Variants in URM1 observed in about 807,000 individuals in gnomAD.
URM1 encodes the protein ubiquitin related modifier 1, also known as ubiquitin-related modifier 1.
A neutral mutation model predicts 17.7 loss-of-function variants in URM1; 11 were observed. The observed-to-expected ratio is 0.62, with a 90% CI of 0.39 to 1.03. The LOEUF (loss-of-function observed/expected upper bound fraction) is 1.03, where lower values mean the gene tolerates loss of function less well. Ranked by LOEUF, URM1 falls within the 50% of genes least tolerant of loss-of-function variation. URM1 has a pLI of 0.00. For synonymous variants in URM1, 48 were observed against 50.6 expected (o/e 0.95, Z 0.22); for missense variants, 128 against 129.2 (o/e 0.99, Z 0.04).
intron 2 of URM1, among the ~76,000 whole-genome samples, chr9:128,381,570 C>T (rs1833160147): frequency 6.6e-6 from 1 of 152,162 alleles, no homozygotes. Flanking sequence ...GTGGTGGGCA[C>T]CTGTAATCCC....
intron 1 of URM1, among the ~76,000 whole-genome samples, chr9:128,376,557 G>C (rs1334185556): frequency 1.3e-5 from 2 of 151,960 alleles, no homozygotes; most frequent in Non-Finnish European, 2.9e-5. Context: ...AGCTACTCTG[G>C]AAGCTGAGGC....
intron 1 of URM1, among the ~76,000 whole-genome samples, chr9:128,373,549 C>T (rs963481942): frequency 6.6e-6 from 1 of 152,174 alleles, no homozygotes; most frequent in African/African-American, 2.4e-5. Flanking sequence ...CACCTTCCTT[C>T]TTGTCAGTGA....
chr9:128,384,528 A>G (rs913042570), intron 2 of URM1, among the ~76,000 whole-genome samples: 2 of 152,170 alleles, frequency 1.3e-5, no homozygotes, highest in Admixed American at 6.5e-5. Flanking sequence ...ACGGGATGCC[A>G]CAGAAAACCC....
At chr9:128,379,626 C>T (rs763409770) in intron 2 of URM1, among the ~76,000 whole-genome samples, 4 of 152,028 alleles carry the variant, frequency 2.6e-5, no homozygotes, top group Non-Finnish European at 5.9e-5. Context: ...GGTGAAACCC[C>T]GTCTCTACTA....
chr9:128,385,654 G>A (rs2131298969), intron 2 of URM1, among the ~76,000 whole-genome samples: 1 of 152,236 alleles, frequency 6.6e-6, no homozygotes, highest in Admixed American at 6.5e-5. Context: ...CCGACCATCT[G>A]GCTTGGAGGC....
chr9:128,391,896 A>G lies in URM1; in HGVS notation c.*2162A>G, dbSNP rs1203181993. The G allele has an allele frequency of 1.3e-5, 2 of 152,214 alleles. No individual in the cohort carries two copies. Among genetic ancestry groups the G allele is most frequent in the African/African-American group, 2.4e-5 (1 of 41,450 alleles). The allele number at this position is 152,214 out of a possible 1,614,324, so 9.4% of individuals were successfully genotyped here. ...GGTCATTTTTAGCCCTAGACTGGAA[A>G]GGGGTCAGGGGACAGGTGACCTGGG... On this transcript the variant is annotated 3_prime_UTR_variant, in exon 5 of 5. Coordinates refer to ENST00000372853, the MANE Select transcript of URM1 (RefSeq NM_030914.4).
chr9:128,389,432 C>T, intron 4 of URM1, 123 bp downstream of exon 4: 1 of 1,590,428 alleles, frequency 6.3e-7, no homozygotes. Flanking sequence ...ACTCCAGCCC[C>T]ACACTGAGGC....
intron 2 of URM1, among the ~76,000 whole-genome samples, chr9:128,385,974 C>T (rs1833221756): frequency 6.6e-6 from 1 of 152,204 alleles, no homozygotes; most frequent in African/African-American, 2.4e-5. Context: ...CAGCTTGTCC[C>T]TCTGGGACTC....
chr9:128,389,083 T>C, intron 3 of URM1, 178 bp from the exon 4 acceptor site: 2 of 1,412,066 alleles, frequency 1.4e-6, no homozygotes, highest in Non-Finnish European at 1.8e-6. Flanking sequence ...CATGCATGAC[T>C]GACCTGGTTT....
intron 1 of URM1, among the ~76,000 whole-genome samples, chr9:128,374,889 A>G (rs1833057815): frequency 1.3e-5 from 2 of 152,230 alleles, no homozygotes; most frequent in Admixed American, 6.5e-5. Context: ...GGCTCCAATC[A>G]TCTCTGCAGT....
At position 128,391,691 on chromosome 9, in the gene URM1, G is replaced by C. The variant is rs1469346491; in HGVS notation, c.*1957G>C. ...TCCTGGAAACTGGGCGCTAGGATCC[G>C]TTTCCCTGGCTGCAGAGAGTGGGAG... On this transcript the variant is annotated 3_prime_UTR_variant, in exon 5 of 5. Transcript: ENST00000372853. 6.6e-6 allele frequency: 1 copy of C among 152,270 alleles called. No individual in the cohort carries two copies. Among genetic ancestry groups the C allele is most frequent in the East Asian group, 1.9e-4 (1 of 5,194 alleles). The allele number at this position is 152,270 out of a possible 1,614,324, so 9.4% of individuals were successfully genotyped here. A position where few individuals can be genotyped will look rare whatever the true frequency, so the allele number is the denominator to read the frequency against.
intron 1 of URM1, among the ~76,000 whole-genome samples, chr9:128,376,785 G>A (rs560291191): frequency 1.3e-5 from 2 of 152,266 alleles, no homozygotes; most frequent in Non-Finnish European, 1.5e-5. Context: ...TCAAGAGTTC[G>A]AGACCAGTCT....
At chr9:128,385,659 G>C (rs938112517) in intron 2 of URM1, among the ~76,000 whole-genome samples, 2 of 152,150 alleles carry the variant, frequency 1.3e-5, no homozygotes, top group African/African-American at 4.8e-5. Context: ...CATCTGGCTT[G>C]GAGGCTATTT....
intron 2 of URM1, among the ~76,000 whole-genome samples, chr9:128,382,726 C>T (rs1036214003): frequency 1.3e-5 from 2 of 152,200 alleles, no homozygotes; most frequent in Admixed American, 1.3e-4. Context: ...GTCTCTTTGA[C>T]ATCTATAAGA....
chr9:128,377,547 G>C (rs1381202637), intron 1 of URM1, among the ~76,000 whole-genome samples: 2 of 152,160 alleles, frequency 1.3e-5, no homozygotes, highest in Non-Finnish European at 2.9e-5. Flanking sequence ...GCTCATGTCT[G>C]TAGTCCCAGC....
intron 2 of URM1, among the ~76,000 whole-genome samples, chr9:128,382,884 C>T (rs1833178098): frequency 6.6e-6 from 1 of 152,192 alleles, no homozygotes; most frequent in African/African-American, 2.4e-5. Context: ...ATTGCGGCTG[C>T]TGGGAGTTGG....
intron 2 of URM1, among the ~76,000 whole-genome samples, chr9:128,383,264 C>A (rs1358195136): frequency 1.3e-5 from 2 of 152,252 alleles, no homozygotes; most frequent in South Asian, 4.1e-4. Flanking sequence ...GGTCCCCTCG[C>A]ACATCTGTAA....
chr9:128,372,386 G>A (rs1327308699), intron 1 of URM1, among the ~76,000 whole-genome samples: 1 of 152,086 alleles, frequency 6.6e-6, no homozygotes, highest in African/African-American at 2.4e-5. Flanking sequence ...TCTGCCCAGT[G>A]CCTTTCTTCT....
rs760198621 is a variant in URM1, at chr9:128,389,263, G to A, written c.191G>A (p.Arg64Gln). The part of the protein sequence containing the change: ...PELFIQGDSV[R>Q]PGILVLINDA... ...ACTCACCACCATCTTTCCCACAGGC[G>A]GCCAGGAATTCTGGTGCTGATTAAC... The change falls in exon 4 of 5, where the codon CGG becomes CAG. Residue 64 changes from arginine (R) to glutamine (Q), a missense_variant and splice_region_variant. Coordinates refer to ENST00000372853, the MANE Select transcript of URM1 (RefSeq NM_030914.4). 1.0e-5 allele frequency: 16 copies of A among 1,596,730 alleles called. No individual in the cohort carries two copies. Among genetic ancestry groups the A allele is most frequent in the Admixed American group, 6.8e-5 (4 of 59,112 alleles).
Sources: gnomAD v4.1 joint callset for allele counts (sites outside exome capture counted in the v4.1 genomes callset) on GRCh38, gnomAD v4.1.1 for gene constraint, MANE v1.5 for transcripts, NCBI Gene and HGNC (gene_info 2026-07-23, HGNC 2026-07-21) for gene names.